Variants in PCDH15 observed in about 807,000 individuals in gnomAD.
PCDH15 encodes the protein protocadherin related 15.
Under a neutral mutation model 178.5 loss-of-function variants are expected in PCDH15, and 129 were observed. The observed-to-expected ratio is 0.72, with a 90% CI of 0.63 to 0.84. PCDH15 has a LOEUF of 0.84. Ranked by LOEUF, PCDH15 falls within the 40% of genes least tolerant of loss-of-function variation. The pLI is 0.00. For missense variants in PCDH15, 2,230 were observed against 2,099.9 expected (o/e 1.06, Z -1.21); for synonymous variants, 800 against 732.0 (o/e 1.09, Z -1.50).
At chr10:54,908,205 G>A (rs565806251) in intron 2 of PCDH15, among the ~76,000 whole-genome samples, 2 of 152,296 alleles carry the variant, frequency 1.3e-5, no homozygotes, top group Admixed American at 6.5e-5. Flanking sequence ...GGTGAGCCTG[G>A]CCCAGAGTGG....
At chr10:53,929,221 C>G (rs188521406) in intron 25 of PCDH15, among the ~76,000 whole-genome samples, 33 of 152,180 alleles carry the variant, frequency 2.2e-4, no homozygotes, top group Non-Finnish European at 4.4e-4. Flanking sequence ...TGTTTCAAAT[C>G]ACATTTCCAA....
At chr10:54,402,532 T>A (rs1165633301) in intron 3 of PCDH15, among the ~76,000 whole-genome samples, 1 of 152,028 alleles carries the variant, frequency 6.6e-6, no homozygotes, top group Non-Finnish European at 1.5e-5. Context: ...GTTTGAAGAT[T>A]TGTGGCAGTC....
chr10:54,031,640 T>C (rs983710085), intron 18 of PCDH15, among the ~76,000 whole-genome samples: 1 of 152,032 alleles, frequency 6.6e-6, no homozygotes, highest in Admixed American at 6.6e-5. Flanking sequence ...AGGTGTCAAA[T>C]TAAATAAGAC....
chr10:53,978,586 G>T (rs1245335212), intron 21 of PCDH15, among the ~76,000 whole-genome samples: 1 of 151,940 alleles, frequency 6.6e-6, no homozygotes, highest in Non-Finnish European at 1.5e-5. Flanking sequence ...CCATTGTCAT[G>T]GTGAGTAACA....
At chr10:54,768,475 G>C (rs553562024) in intron 1 of PCDH15, among the ~76,000 whole-genome samples, 1 of 151,856 alleles carries the variant, frequency 6.6e-6, no homozygotes. Context: ...TAGGAACATA[G>C]TTCAAGGCTG....
chr10:54,190,740 C>T (rs550895519), intron 11 of PCDH15, among the ~76,000 whole-genome samples: 2 of 152,230 alleles, frequency 1.3e-5, no homozygotes, highest in East Asian at 1.9e-4. Context: ...AAAATTCATG[C>T]CCATAAACTA....
At chr10:55,341,805 A>ATATATT (rs1565032576) in intron 2 of PCDH15, among the ~76,000 whole-genome samples, 2 of 16,332 alleles carry the variant, frequency 1.2e-4, no homozygotes, top group Non-Finnish European at 2.3e-4. Flanking sequence ...ATATATATAT[A>ATATATT]TTTTTTTTTT....
chr10:53,988,559 AAAGAT>A (rs1302947259), intron 21 of PCDH15, among the ~76,000 whole-genome samples: 1 of 152,194 alleles, frequency 6.6e-6, no homozygotes, highest in Non-Finnish European at 1.5e-5. Flanking sequence ...CAAAGAGGAC[AAAGAT>A]AAGACCAGGA....
chr10:54,053,079 T>A (rs918783244), intron 18 of PCDH15, among the ~76,000 whole-genome samples: 35 of 152,186 alleles, frequency 2.3e-4, no homozygotes, highest in Admixed American at 2.3e-3. Flanking sequence ...CAGTCTAAGG[T>A]GTGTCTTTAT....
intron 2 of PCDH15, among the ~76,000 whole-genome samples, chr10:55,601,220 GA>G (rs1471195462): frequency 1.3e-5 from 2 of 152,182 alleles, no homozygotes; most frequent in Non-Finnish European, 2.9e-5. Flanking sequence ...AGAGAGTTGT[GA>G]ATGGAATGAT....
At chr10:55,292,865 G>A (rs1426532072) in intron 1 of PCDH15, among the ~76,000 whole-genome samples, 8 of 152,306 alleles carry the variant, frequency 5.3e-5, no homozygotes, top group South Asian at 4.1e-4. Flanking sequence ...AGCTTTTCCA[G>A]GCAAACAGTG....
chr10:54,501,943 T>A (rs1030528160), intron 3 of PCDH15, among the ~76,000 whole-genome samples: 6 of 152,112 alleles, frequency 3.9e-5, no homozygotes, highest in African/African-American at 1.4e-4. Flanking sequence ...AATGAATCAG[T>A]GTAAATAACA....
At chr10:54,433,674 T>C (rs1217540717) in intron 3 of PCDH15, among the ~76,000 whole-genome samples, 1 of 152,062 alleles carries the variant, frequency 6.6e-6, no homozygotes, top group Admixed American at 6.6e-5. Flanking sequence ...TAATTGTAAA[T>C]TTAAAAATAA....
At chr10:54,336,576 A>C (rs1941195901) in intron 6 of PCDH15, among the ~76,000 whole-genome samples, 1 of 152,176 alleles carries the variant, frequency 6.6e-6, no homozygotes, top group Non-Finnish European at 1.5e-5. Context: ...TAGCTTTCAC[A>C]TGGTGTGGAG....
chr10:54,529,002 C>T (rs1389263484), intron 2 of PCDH15, among the ~76,000 whole-genome samples: 1 of 151,922 alleles, frequency 6.6e-6, no homozygotes, highest in African/African-American at 2.4e-5. Flanking sequence ...TGGCACACTC[C>T]TGTACAGCAG....
intron 5 of PCDH15, among the ~76,000 whole-genome samples, chr10:54,365,853 A>T (rs768434425): frequency 6.6e-6 from 1 of 152,096 alleles, no homozygotes. Context: ...CAACATGTAG[A>T]TAGAGGAATT....
At chr10:54,527,997 G>T in intron 2 of PCDH15, 120 bp from the exon 3 acceptor site, 1 of 741,172 alleles carries the variant, frequency 1.3e-6, no homozygotes. Flanking sequence ...TAATTAATAT[G>T]CATCACTACA....
chr10:54,931,638 C>G (rs1030165686), intron 2 of PCDH15, among the ~76,000 whole-genome samples: 5 of 152,156 alleles, frequency 3.3e-5, no homozygotes, highest in East Asian at 1.9e-4. Flanking sequence ...GAAGTCCTGC[C>G]TTTGAGACAG....
At chr10:55,065,537 G>A (rs1161738054) in intron 2 of PCDH15, among the ~76,000 whole-genome samples, 1 of 151,998 alleles carries the variant, frequency 6.6e-6, no homozygotes, top group Non-Finnish European at 1.5e-5. Flanking sequence ...AGTCTTGTAT[G>A]TATCTGTTTA....
Sources: gnomAD v4.1 joint callset for allele counts (sites outside exome capture counted in the v4.1 genomes callset) on GRCh38, gnomAD v4.1.1 for gene constraint, MANE v1.5 for transcripts, NCBI Gene and HGNC (gene_info 2026-07-23, HGNC 2026-07-21) for gene names.